Variants in EYS observed in about 807,000 individuals in gnomAD.
EYS encodes protein eyes shut homolog.
In EYS, 250 loss-of-function variants were observed where a neutral mutation model predicts 282.1. The ratio of observed to expected loss-of-function variants is 0.89; its 90% CI spans 0.80 to 0.98. EYS has a LOEUF of 0.98. Among genes scored for constraint, EYS ranks in the 50% least tolerant of loss-of-function variants. EYS has a pLI of 0.00. For synonymous variants in EYS, 1,355 were observed against 1,282.9 expected, an observed-to-expected ratio of 1.06 and a Z score of -1.20; for missense variants, 4,016 against 3,709.0, an observed-to-expected ratio of 1.08 and a Z score of -2.15.
rs540425393 is a variant in EYS at position 65,492,267 on chromosome 6, C to T, written c.749-1560G>A. Reference sequence around the variant, plus strand: ...TTTAGGTATTTTATAGTGCTCAAAGCTTAACGATTTAAAGCACCTATGGCT... The same window carrying T: ...TTTAGGTATTTTATAGTGCTCAAAGTTTAACGATTTAAAGCACCTATGGCT... On this transcript the variant is annotated intron_variant, in intron 4 of 42. Transcript: ENST00000503581. 2.0e-5 allele frequency among the ~76,000 whole-genome samples: 3 copies of T among 150,896 alleles called. No homozygotes were observed. In the East Asian group the frequency reaches 5.8e-4, roughly 29 times the overall value.
chr6:63,978,691 T>A (rs1263956939), intron 35 of EYS, among the ~76,000 whole-genome samples: 1 of 151,946 alleles, frequency 6.6e-6, no homozygotes, highest in Non-Finnish European at 1.5e-5. Flanking sequence ...TGTGAGGGAT[T>A]GCAACTTACT....
At chr6:64,671,360 G>C (rs1412786072) in intron 22 of EYS, among the ~76,000 whole-genome samples, 2 of 152,024 alleles carry the variant, frequency 1.3e-5, no homozygotes, top group Non-Finnish European at 2.9e-5. Context: ...CTACCATGTG[G>C]GGACACAGCA....
chr6:63,941,328 C>T (rs1330394646), intron 35 of EYS, among the ~76,000 whole-genome samples: 1 of 152,188 alleles, frequency 6.6e-6, no homozygotes, highest in African/African-American at 2.4e-5. Context: ...TATTTCTCCA[C>T]ATCCTCTCCA....
intron 26 of EYS, among the ~76,000 whole-genome samples, chr6:64,518,103 A>C (rs2150523627): frequency 6.6e-6 from 1 of 151,994 alleles, no homozygotes; most frequent in East Asian, 1.9e-4. Context: ...ATGTGCTGGA[A>C]AGCTGATGTT....
At chr6:64,362,258 A>C (rs1161044024) in intron 29 of EYS, among the ~76,000 whole-genome samples, 3 of 151,846 alleles carry the variant, frequency 2.0e-5, no homozygotes, top group African/African-American at 7.2e-5. Flanking sequence ...TACAGAAAAT[A>C]ACTAAACGTA....
intron 19 of EYS, among the ~76,000 whole-genome samples, chr6:64,864,005 T>G (rs1478537109): frequency 6.6e-6 from 1 of 152,182 alleles, no homozygotes; most frequent in African/African-American, 2.4e-5. Context: ...GAAAGCAAAT[T>G]GGTTTCAATG....
chr6:65,562,135 C>T (rs184422295), intron 2 of EYS, among the ~76,000 whole-genome samples: 2 of 151,894 alleles, frequency 1.3e-5, no homozygotes, highest in Non-Finnish European at 2.9e-5. Context: ...AATTAGCCTA[C>T]TATCTGACTA....
At chr6:65,127,634 T>C (rs35364635) in intron 12 of EYS, among the ~76,000 whole-genome samples, 2 of 152,070 alleles carry the variant, frequency 1.3e-5, no homozygotes, top group African/African-American at 4.8e-5. Flanking sequence ...TAAGGTGGAA[T>C]TGCATCATGT....
At chr6:65,160,309 T>C (rs1391972507) in intron 12 of EYS, among the ~76,000 whole-genome samples, 3 of 150,926 alleles carry the variant, frequency 2.0e-5, no homozygotes, top group East Asian at 3.9e-4. Flanking sequence ...TAGAGAGACA[T>C]TTTTAAATGT....
intron 2 of EYS, among the ~76,000 whole-genome samples, chr6:65,549,534 C>G (rs1395403006): frequency 6.6e-6 from 1 of 152,084 alleles, no homozygotes; most frequent in South Asian, 2.1e-4. Flanking sequence ...CTATGAAGAC[C>G]TTATCTGTTG....
At chr6:64,221,231 G>A (rs1373526785) in intron 31 of EYS, among the ~76,000 whole-genome samples, 1 of 152,140 alleles carries the variant, frequency 6.6e-6, no homozygotes, top group Non-Finnish European at 1.5e-5. Flanking sequence ...CCCAAAACAT[G>A]TGTTGGAAAC....
At chr6:65,463,261 ACTAG>A (rs1185162028) in intron 5 of EYS, among the ~76,000 whole-genome samples, 5 of 152,080 alleles carry the variant, frequency 3.3e-5, no homozygotes, top group African/African-American at 9.7e-5. Context: ...CTGGTTGTGC[ACTAG>A]CTGTTTCTTT....
chr6:65,054,311 A>G (rs1321905838), intron 13 of EYS, among the ~76,000 whole-genome samples: 2 of 151,976 alleles, frequency 1.3e-5, no homozygotes, highest in African/African-American at 4.8e-5. Flanking sequence ...ACATCTTTTC[A>G]TATAAGAATT....
intron 41 of EYS, among the ~76,000 whole-genome samples, chr6:63,757,366 G>T (rs1352429690): frequency 6.6e-6 from 1 of 152,080 alleles, no homozygotes; most frequent in Non-Finnish European, 1.5e-5. Flanking sequence ...GGTCTGACTG[G>T]TTCTCTGCTC....
At chr6:64,351,830 G>T (rs1771652406) in intron 29 of EYS, among the ~76,000 whole-genome samples, 1 of 151,446 alleles carries the variant, frequency 6.6e-6, no homozygotes, top group African/African-American at 2.4e-5. Context: ...GACATATGGT[G>T]ATACAAATAA....
intron 22 of EYS, among the ~76,000 whole-genome samples, chr6:64,744,409 C>G (rs936297282): frequency 2.6e-5 from 4 of 152,252 alleles, no homozygotes; most frequent in Admixed American, 6.5e-5. Context: ...GAGACCCAAT[C>G]AAGGCATCTT....
intron 36 of EYS, among the ~76,000 whole-genome samples, chr6:63,829,876 G>C (rs1771578274): frequency 6.6e-6 from 1 of 152,220 alleles, no homozygotes; most frequent in South Asian, 2.1e-4. Context: ...TCCAGAGGAA[G>C]GATCAGGCAG....
chr6:65,677,697 C>G (rs962993674), intron 1 of EYS, among the ~76,000 whole-genome samples: 3 of 151,784 alleles, frequency 2.0e-5, no homozygotes, highest in African/African-American at 7.3e-5. Context: ...CAGAAATAGA[C>G]AAAATAATCC....
At chr6:65,430,758 G>T (rs1389136033) in intron 5 of EYS, among the ~76,000 whole-genome samples, 1 of 152,192 alleles carries the variant, frequency 6.6e-6, no homozygotes, top group Admixed American at 6.5e-5. Flanking sequence ...CTGCCAGATG[G>T]CATTTCTAGG....
Sources: gnomAD v4.1 joint callset for allele counts (sites outside exome capture counted in the v4.1 genomes callset) on GRCh38, gnomAD v4.1.1 for gene constraint, MANE v1.5 for transcripts, NCBI Gene and HGNC (gene_info 2026-07-23, HGNC 2026-07-21) for gene names.